The following HAL variants were observed in gnomAD, a reference collection of about 807,000 sequenced individuals.
HAL encodes the protein histidase.
A neutral mutation model predicts 81.1 loss-of-function variants in HAL; 85 were observed. The observed-to-expected ratio is 1.05, with a 90% CI of 0.88 to 1.25. The LOEUF is 1.25. Ranked by LOEUF, HAL falls within the 50% of genes most tolerant of loss-of-function variation. HAL has a pLI of 0.00. For missense variants in HAL, 798 were observed against 836.6 expected, an observed-to-expected ratio of 0.95 and a Z score of 0.57; for synonymous variants, 301 against 309.2, an observed-to-expected ratio of 0.97 and a Z score of 0.28.
At chr12:95,977,882 T>C in intron 18 of HAL, 62 bp downstream of exon 18, 1 of 1,584,568 alleles carries the variant, frequency 6.3e-7, no homozygotes, top group Non-Finnish European at 8.7e-7. Context: ...AGATCCCACT[T>C]GAGAACCACG....
rs2080668287 is a variant in HAL at position 95,972,798 on chromosome 12, G to A, written c.*1434C>T. 1 of 152,214 alleles carries A rather than the reference G, an allele frequency of 6.6e-6. No homozygotes were observed. Among genetic ancestry groups the A allele is most frequent in the Non-Finnish European group, 1.5e-5 (1 of 68,032 alleles). The allele number at this position is 152,214 out of a possible 1,614,324, so 9.4% of individuals were successfully genotyped here. A position where few individuals can be genotyped will look rare whatever the true frequency, so the allele number is the denominator to read the frequency against. On this transcript the variant is annotated 3_prime_UTR_variant, in exon 21 of 21. Coordinates refer to ENST00000261208, the MANE Select transcript of HAL (RefSeq NM_002108.4). ...ACCTGGAGGGCTGCAGGGGCTGAAAGAATCCAGCATTCCCCAAACTGGAGC... is the reference window on the plus strand; with the variant it reads ...ACCTGGAGGGCTGCAGGGGCTGAAAAAATCCAGCATTCCCCAAACTGGAGC...
chr12:95,981,520 G>A (rs769014614), intron 15 of HAL, among the ~76,000 whole-genome samples: 1 of 152,142 alleles, frequency 6.6e-6, no homozygotes, highest in Non-Finnish European at 1.5e-5. Flanking sequence ...GTGCAGGGGC[G>A]CCATCTCGGC....
At chr12:95,984,554 C>G (rs1015122388) in intron 14 of HAL, among the ~76,000 whole-genome samples, 2 of 152,208 alleles carry the variant, frequency 1.3e-5, no homozygotes, top group African/African-American at 2.4e-5. Flanking sequence ...AGCCACAATG[C>G]TATAAAGCAG....
intron 15 of HAL, among the ~76,000 whole-genome samples, chr12:95,983,036 A>C (rs531518680): frequency 6.6e-6 from 1 of 152,318 alleles, no homozygotes; most frequent in African/African-American, 2.4e-5. Flanking sequence ...CAGTTTTACT[A>C]TTTCTTTGAA....
At position 95,995,630 on chromosome 12, in the gene HAL, C is replaced by T. The variant is rs765143080; in HGVS notation, c.247+34G>A. ...GCAAAGACTAAGCCAGGCCAAACCG[C>T]ACCCGTTCGCGGCCCTCTCCTGCAG... On this transcript the variant is annotated intron_variant, in intron 2 of 20. Transcript: ENST00000261208. The T allele has an allele frequency of 3.7e-6, 6 of 1,611,028 alleles. No homozygotes were observed. In the East Asian group the frequency reaches 6.7e-5, roughly 18 times the overall value.
intron 15 of HAL, chr12:95,983,588 T>G (rs1480951084): frequency 7.6e-6 from 3 of 394,610 alleles, no homozygotes; most frequent in Non-Finnish European, 9.4e-6. Flanking sequence ...ACCAACAACC[T>G]TGGCAGTGGG....
At position 95,976,472 on chromosome 12, in the gene HAL, G is replaced by A. The variant is rs772092954; in HGVS notation, c.1790C>T (p.Ala597Val). 3 of 1,614,086 alleles carry A rather than the reference G, an allele frequency of 1.9e-6. No homozygotes were observed. In the South Asian group the frequency reaches 3.3e-5, roughly 18 times the overall value. Residue 597 changes from alanine (A) to valine (V), a missense_variant, in exon 20 of 21, where the codon GCC becomes GTC. Coordinates refer to ENST00000261208, the MANE Select transcript of HAL (RefSeq NM_002108.4). Reference sequence around the variant, plus strand: ...CCTGTGGGCTGCCTCGATGTCCGGGGCCATGAAGCGATCTTTTATCCAGGG... The same window carrying A: ...CCTGTGGGCTGCCTCGATGTCCGGGACCATGAAGCGATCTTTTATCCAGGG... Reference protein sequence around the residue: ...VRPWIKDRFMAPDIEAAHRLL... With the variant: ...VRPWIKDRFMVPDIEAAHRLL...
At chr12:95,992,890 C>T in intron 8 of HAL, 85 bp from the exon 9 acceptor site, 1 of 1,256,932 alleles carries the variant, frequency 8.0e-7, no homozygotes, top group South Asian at 1.2e-5. Flanking sequence ...TCCAATCTTT[C>T]CCATATGTAG....
chr12:95,973,834 A>T lies in HAL; in HGVS notation c.*398T>A, dbSNP rs1238009980. On this transcript the variant is annotated 3_prime_UTR_variant, in exon 21 of 21. Transcript: ENST00000261208. ...TGTTGAAGCAAATTTAAAAAAAAAA[A>T]AAAAGGTTAACAAAAGTCTAATGTT... 1 of 168,856 alleles carries T rather than the reference A, an allele frequency of 5.9e-6. No homozygotes were observed. 10.5% of individuals were successfully genotyped at this position (168,856 alleles called of 1,614,324 possible).
At chr12:95,985,488 G>T (rs11108363) in intron 14 of HAL, among the ~76,000 whole-genome samples, 2,665 of 152,140 alleles carry the variant, frequency 0.018, 71 homozygotes, top group African/African-American at 0.06. Flanking sequence ...TACTCGGGAG[G>T]TTGAGGCAGG....
chr12:95,980,104 T>A (rs2080773056), intron 17 of HAL, among the ~76,000 whole-genome samples: 1 of 152,254 alleles, frequency 6.6e-6, no homozygotes, highest in South Asian at 2.1e-4. Flanking sequence ...AACATCTTTA[T>A]GTTTTTAGTG....
In HAL at chr12:95,990,043, C is replaced by T. The variant is rs537739522; in HGVS notation, c.855+350G>A. On this transcript the variant is annotated intron_variant, in intron 10 of 20. Transcript: ENST00000261208. ...CATATAGTAAGTGCTATGAGCCATA[C>T]CACTGCACCTGTGAGACCAGCTCGT... is the stretch of plus-strand genomic sequence containing the variant. The T allele has an allele frequency of 2.0e-4, 73 of 371,236 alleles. 2 individuals carry two copies. Among genetic ancestry groups the T allele is most frequent in the South Asian group, 1.4e-3 (65 of 45,202 alleles). 23.0% of individuals were successfully genotyped at this position (371,236 alleles called of 1,614,324 possible).
intron 14 of HAL, 88 bp from the exon 15 acceptor site, chr12:95,984,079 TA>T: frequency 1.4e-6 from 1 of 728,598 alleles, no homozygotes; most frequent in Non-Finnish European, 2.5e-6. Context: ...GATCTTATCT[TA>T]AAGTTATAAA....
chr12:95,979,612 C>T (rs943551300), intron 17 of HAL, among the ~76,000 whole-genome samples: 5 of 151,996 alleles, frequency 3.3e-5, no homozygotes, highest in African/African-American at 1.2e-4. Context: ...GTAAAGGATG[C>T]CCAGTTAAAT....
intron 15 of HAL, 27 bp downstream of exon 15, chr12:95,983,883 TG>T (rs1949844414): frequency 8.8e-7 from 1 of 1,138,176 alleles, no homozygotes; most frequent in Non-Finnish European, 1.3e-6. Flanking sequence ...ATTCTATAAT[TG>T]CAGGTTAGTA....
Position 95,974,004 on chromosome 12 carries a change from T to C in HAL, c.*228A>G. On this transcript the variant is annotated 3_prime_UTR_variant, in exon 21 of 21. Transcript: ENST00000261208. ...AAACTGTTAAGAAAGAAAGAAAAGT[T>C]TTATAATCTGAAAATACCTGGTGGG... 1.7e-6 allele frequency: 1 copy of C among 574,854 alleles called. No individual in the cohort carries two copies. The highest frequency in any genetic ancestry group is 2.9e-5 in the East Asian group (1 of 33,948). 35.6% of individuals were successfully genotyped at this position (574,854 alleles called of 1,614,324 possible).
Position 95,992,749 on chromosome 12 carries a change from T to A in HAL, c.646A>T (p.Asn216Tyr), listed in dbSNP as rs763148961. 1 of 1,612,642 alleles carries A rather than the reference T, an allele frequency of 6.2e-7. No individual in the cohort carries two copies. The highest frequency in any genetic ancestry group is 1.3e-5 in the African/African-American group (1 of 75,026). ...CCACTGTATCCTTTGGCTAAGACAT[T>A]GATCCTTAAAGCCAAGAGCATCCGA... ...RCRMLLALRI[N>Y]VLAKGYSGIS... The change falls in exon 9 of 21, where the codon AAT (asparagine) becomes TAT (tyrosine). Residue 216 changes from asparagine (N) to tyrosine (Y), a missense_variant. Asn to Tyr is a moderately radical substitution (Grantham distance 143). Transcript: ENST00000261208.
Position 95,974,383 on chromosome 12 carries a change from A to T in HAL, c.1834-11T>A. On this transcript the variant is annotated splice_polypyrimidine_tract_variant and intron_variant, in intron 20 of 20. Coordinates refer to ENST00000261208, the MANE Select transcript of HAL (RefSeq NM_002108.4). ...AGCTACTTCCCAAACCTGAAAAGCA[A>T]GGACAAAACAAAGTTGAAATATTGA... 1.9e-6 allele frequency: 3 copies of T among 1,612,746 alleles called. No individual in the cohort carries two copies. The highest frequency in any genetic ancestry group is 2.5e-6 in the Non-Finnish European group (3 of 1,178,744).
chr12:95,976,662 G>C lies in HAL; in HGVS notation c.1699C>G (p.Leu567Val). 1.9e-6 allele frequency: 3 copies of C among 1,613,442 alleles called. No individual in the cohort carries two copies. The highest frequency in any genetic ancestry group is 2.5e-6 in the Non-Finnish European group (3 of 1,179,346). ...GGAGTGGTTGTTTTCAGGGGACGTA[G>C]AAACTCTATGCCCTGGCAGGCTGCA... ...LLAACQGIEFLRPLKTTTPLE... is the reference protein window; with the variant it reads ...LLAACQGIEFVRPLKTTTPLE... The change falls in exon 19 of 21, where the codon CTA becomes GTA. Residue 567 changes from leucine (L) to valine (V), a missense_variant. Physicochemically the swap from Leu to Val is conservative, Grantham distance 32 (BLOSUM62 1). Coordinates refer to ENST00000261208, the MANE Select transcript of HAL (RefSeq NM_002108.4).
Sources: gnomAD v4.1 joint callset for allele counts (sites outside exome capture counted in the v4.1 genomes callset) on GRCh38, gnomAD v4.1.1 for gene constraint, MANE v1.5 for transcripts, NCBI Gene and HGNC (gene_info 2026-07-23, HGNC 2026-07-21) for gene names.